TMPRSS15: variants seen among roughly 807,000 people sequenced by gnomAD.
TMPRSS15 encodes enteropeptidase.
In TMPRSS15, 128 loss-of-function variants were observed where a neutral mutation model predicts 125.3. The observed-to-expected ratio is 1.02, with a 90% CI of 0.89 to 1.18. The LOEUF (loss-of-function observed/expected upper bound fraction) is 1.18, where lower values mean the gene tolerates loss of function less well. Among genes scored for constraint, TMPRSS15 ranks in the 50% most tolerant of loss-of-function variants. The pLI is 0.00. For missense variants in TMPRSS15, 1,283 were observed against 1,212.7 expected (o/e 1.06, Z -0.86); for synonymous variants, 446 against 423.2 (o/e 1.05, Z -0.66).
chr21:18,458,529 C>T (rs554422764), intron 1 of TMPRSS15, among the ~76,000 whole-genome samples: 19 of 152,196 alleles, frequency 1.2e-4, no homozygotes, highest in Admixed American at 3.9e-4. Context: ...AGAGGAGTTA[C>T]GGTTGTTTTC....
At chr21:18,292,199 A>T (rs2074845899) in intron 21 of TMPRSS15, among the ~76,000 whole-genome samples, 3 of 152,196 alleles carry the variant, frequency 2.0e-5, no homozygotes. Flanking sequence ...TGTCAAGGTT[A>T]CTCTCATGTA....
intron 18 of TMPRSS15, among the ~76,000 whole-genome samples, chr21:18,309,147 G>C (rs1302580302): frequency 6.6e-6 from 1 of 152,114 alleles, no homozygotes; most frequent in Non-Finnish European, 1.5e-5. Flanking sequence ...TTCTGGTCTA[G>C]ATCCTTGAGG....
At chr21:18,337,053 CT>C (rs1157938696) in intron 13 of TMPRSS15, among the ~76,000 whole-genome samples, 4 of 152,112 alleles carry the variant, frequency 2.6e-5, no homozygotes, top group South Asian at 2.1e-4. Flanking sequence ...TCCAAATTAA[CT>C]TTTTTTTCTT....
rs1005288423 is a variant in TMPRSS15 at position 18,298,117 on chromosome 21, T to G, written c.2166-288A>C. Among the ~76,000 whole-genome samples the G allele has an allele frequency of 2.0e-5, 3 of 152,298 alleles. 1 individual carries two copies. The highest frequency in any genetic ancestry group is 6.5e-5 in the Admixed American group (1 of 15,298). On this transcript the variant is annotated intron_variant, in intron 18 of 24. Transcript: ENST00000284885. Reference sequence around the variant, plus strand: ...TTTTACAAAGTTAAATCATTACATATATCACTTAGTTACCTGTTTTATAAA... The same window carrying G: ...TTTTACAAAGTTAAATCATTACATAGATCACTTAGTTACCTGTTTTATAAA...
rs543255200 is a variant in TMPRSS15 at position 18,273,307 on chromosome 21, A to C, written c.2904+1890T>G. 2.0e-5 allele frequency among the ~76,000 whole-genome samples: 3 copies of C among 152,348 alleles called. No homozygotes were observed. In the East Asian group the frequency reaches 5.8e-4, roughly 29 times the overall value. On this transcript the variant is annotated intron_variant, in intron 24 of 24. Coordinates refer to ENST00000284885, the MANE Select transcript of TMPRSS15 (RefSeq NM_002772.3). ...TAAAAAATGATGCTTCAAAGAACTT[A>C]AATAATGTATCAGTAATAACGTGTT...
intron 18 of TMPRSS15, among the ~76,000 whole-genome samples, chr21:18,305,252 G>T (rs956207609): frequency 6.9e-6 from 1 of 144,692 alleles, no homozygotes; most frequent in Non-Finnish European, 1.5e-5. Context: ...GCAGTGGCGC[G>T]ATCTCGGCTC....
chr21:18,426,372 T>G (rs1185716494), intron 1 of TMPRSS15, among the ~76,000 whole-genome samples: 2 of 152,176 alleles, frequency 1.3e-5, no homozygotes, highest in Non-Finnish European at 2.9e-5. Flanking sequence ...AAAATGAAGC[T>G]CTCACGTAAA....
At chr21:18,369,937 A>G (rs2075774896) in intron 6 of TMPRSS15, among the ~76,000 whole-genome samples, 1 of 144,872 alleles carries the variant, frequency 6.9e-6, no homozygotes, top group Non-Finnish European at 1.5e-5. Context: ...AATAATTCGA[A>G]TTTATTTACC....
intron 1 of TMPRSS15, among the ~76,000 whole-genome samples, chr21:18,484,440 ATTTCCT>A (rs1254593285): frequency 2.0e-5 from 3 of 151,782 alleles, no homozygotes; most frequent in East Asian, 3.9e-4. Context: ...TAATCAGACT[ATTTCCT>A]TTTCAAGTAT....
intron 1 of TMPRSS15, among the ~76,000 whole-genome samples, chr21:18,450,638 G>A (rs935511372): frequency 6.6e-6 from 1 of 152,090 alleles, no homozygotes; most frequent in African/African-American, 2.4e-5. Context: ...AGCAAGGGAA[G>A]GAGTTCAATA....
chr21:18,269,967 C>T lies in TMPRSS15; in HGVS notation c.*2G>A, dbSNP rs752544742. ...ACTTTCCTGTTTAGTTTAAGAAATGCGCTAATGTAGAAAACTTTGTATCCA... is the reference window on the plus strand; with the variant it reads ...ACTTTCCTGTTTAGTTTAAGAAATGTGCTAATGTAGAAAACTTTGTATCCA... On this transcript the variant is annotated 3_prime_UTR_variant, in exon 25 of 25. Transcript: ENST00000284885. The T allele has an allele frequency of 1.3e-5, 21 of 1,613,378 alleles. No homozygotes were observed. In the Admixed American group the frequency reaches 2.3e-4, roughly 18 times the overall value.
intron 4 of TMPRSS15, 94 bp downstream of exon 4, chr21:18,383,533 G>T (rs994846411): frequency 6.3e-6 from 9 of 1,437,568 alleles, no homozygotes; most frequent in South Asian, 1.2e-5. Flanking sequence ...TGTTCCTAAG[G>T]TCAAGCATGA....
intron 1 of TMPRSS15, among the ~76,000 whole-genome samples, chr21:18,476,613 C>T (rs935895125): frequency 1.3e-5 from 2 of 152,120 alleles, no homozygotes; most frequent in Non-Finnish European, 1.5e-5. Context: ...CTTCATATAT[C>T]CATACATGTC....
Position 18,403,770 on chromosome 21 carries a change from T to C in TMPRSS15, c.-148A>G. On this transcript the variant is annotated 5_prime_UTR_variant, in exon 1 of 25. Coordinates refer to ENST00000284885, the MANE Select transcript of TMPRSS15 (RefSeq NM_002772.3). ...CATACCAGTCAGTGTAAGTGAGTTG[T>C]GTATGTCTCTTTGGCAAAATTATGT... 1 of 960,036 alleles carries C rather than the reference T, an allele frequency of 1.0e-6. No individual in the cohort carries two copies. The highest frequency in any genetic ancestry group is 1.6e-6 in the Non-Finnish European group (1 of 632,100). 59.5% of individuals were successfully genotyped at this position (960,036 alleles called of 1,614,324 possible). A position where few individuals can be genotyped will look rare whatever the true frequency, so the allele number is the denominator to read the frequency against.
At chr21:18,285,867 G>A (rs1001577209) in intron 21 of TMPRSS15, among the ~76,000 whole-genome samples, 1 of 152,084 alleles carries the variant, frequency 6.6e-6, no homozygotes, top group Non-Finnish European at 1.5e-5. Flanking sequence ...ATAAAAGGAG[G>A]GTAGGCAACA....
intron 23 of TMPRSS15, among the ~76,000 whole-genome samples, chr21:18,277,062 G>A (rs1237336742): frequency 4.6e-5 from 7 of 151,822 alleles, no homozygotes; most frequent in South Asian, 2.1e-4. Flanking sequence ...CACCGCACCC[G>A]GCCAGAAAAC....
intron 1 of TMPRSS15, among the ~76,000 whole-genome samples, chr21:18,411,997 G>A (rs1360923189): frequency 6.6e-6 from 1 of 151,950 alleles, no homozygotes; most frequent in Non-Finnish European, 1.5e-5. Flanking sequence ...CATCCTACTT[G>A]GTTAGTAGGA....
chr21:18,298,158 G>T (rs941660661), intron 18 of TMPRSS15, among the ~76,000 whole-genome samples: 1 of 152,032 alleles, frequency 6.6e-6, no homozygotes, highest in Non-Finnish European at 1.5e-5. Context: ...TTTTTTCTAT[G>T]TTGTCAAATA....
At chr21:18,456,212 A>T (rs893479723) in intron 1 of TMPRSS15, among the ~76,000 whole-genome samples, 16 of 152,162 alleles carry the variant, frequency 1.1e-4, no homozygotes, top group Admixed American at 9.8e-4. Flanking sequence ...AAATATTTAC[A>T]GGGGATTCAG....
Sources: allele counts gnomAD v4.1 joint callset (sites outside exome capture counted in the v4.1 genomes callset), GRCh38; gene constraint gnomAD v4.1.1; transcripts MANE v1.5; gene names NCBI Gene and HGNC (gene_info 2026-07-23, HGNC 2026-07-21).